The following PTPRD variants were observed in gnomAD, a reference collection of about 807,000 sequenced individuals.
PTPRD encodes the protein protein tyrosine phosphatase receptor type D, also known as receptor-type tyrosine-protein phosphatase delta.
Under a neutral mutation model 214.5 loss-of-function variants are expected in PTPRD, and 34 were observed. That is an observed-to-expected ratio of 0.16 (90% CI 0.12 to 0.21). The LOEUF (loss-of-function observed/expected upper bound fraction) is 0.21. Ranked by LOEUF, PTPRD falls within the 10% of genes least tolerant of loss-of-function variation. The probability of loss-of-function intolerance (pLI) is 1.00; values close to 1 mark genes in which losing one functional copy is unlikely to be tolerated. For missense variants in PTPRD, 2,545 were observed against 2,398.7 expected (o/e 1.06, Z -1.27); for synonymous variants, 1,128 against 845.7 (o/e 1.33, Z -5.79).
chr9:8,744,684 C>T (rs1302437998), intron 11 of PTPRD, among the ~76,000 whole-genome samples: 2 of 152,222 alleles, frequency 1.3e-5, no homozygotes, highest in Non-Finnish European at 2.9e-5. Context: ...AAAGATTACA[C>T]ATTGGGTGCA....
At chr9:8,330,953 A>G (rs567722515) in intron 44 of PTPRD, among the ~76,000 whole-genome samples, 8 of 152,232 alleles carry the variant, frequency 5.3e-5, no homozygotes, top group African/African-American at 1.9e-4. Context: ...TTGCATAGCA[A>G]CTTCCAAAAA....
chr9:9,461,921 A>G (rs2093693993), intron 8 of PTPRD, among the ~76,000 whole-genome samples: 2 of 152,162 alleles, frequency 1.3e-5, no homozygotes, highest in African/African-American at 2.4e-5. Flanking sequence ...TTTAACCATT[A>G]TATTTAAATT....
At chr9:10,083,673 T>G (rs567189449) in intron 3 of PTPRD, among the ~76,000 whole-genome samples, 8 of 152,130 alleles carry the variant, frequency 5.3e-5, no homozygotes, top group Non-Finnish European at 1.0e-4. Flanking sequence ...GTTACCAATC[T>G]TTTTGGCACC....
At chr9:10,212,496 G>C (rs2099521973) in intron 3 of PTPRD, among the ~76,000 whole-genome samples, 1 of 152,072 alleles carries the variant, frequency 6.6e-6, no homozygotes, top group African/African-American at 2.4e-5. Flanking sequence ...CATTTTCATA[G>C]TGAGTCCTTT....
At chr9:10,253,262 G>C (rs139570694) in intron 3 of PTPRD, among the ~76,000 whole-genome samples, 1 of 152,310 alleles carries the variant, frequency 6.6e-6, no homozygotes, top group African/African-American at 2.4e-5. Flanking sequence ...TTAAGGGACT[G>C]TGGGTCTTCA....
intron 6 of PTPRD, among the ~76,000 whole-genome samples, chr9:9,745,147 C>T (rs796286823): frequency 6.6e-6 from 1 of 151,926 alleles, no homozygotes; most frequent in South Asian, 2.1e-4. Context: ...GAAGAAAAAA[C>T]TCAAAATTCA....
chr9:8,940,280 C>CTTCTCTCCTTTTTTTTTTTTTTTTT (rs2099024010), intron 11 of PTPRD, among the ~76,000 whole-genome samples: 1 of 89,050 alleles, frequency 1.1e-5, no homozygotes. Context: ...TCTCTCTCTC[C>CTTCTCTCCTTTTTTTTTTTTTTTTT]TTTTTTTTTT....
In PTPRD at chr9:9,297,854, T is replaced by C. The variant is rs149540895; in HGVS notation, c.-203+99595A>G. ...CAGTGGGGACTTACACAGAGATAAC[T>C]ATGTGTCATCTACTGTTTTAATACT... On this transcript the variant is annotated intron_variant, in intron 9 of 45. Coordinates refer to ENST00000381196, the MANE Select transcript of PTPRD (RefSeq NM_002839.4). Among the ~76,000 whole-genome samples, 757 of 151,780 alleles carry C rather than the reference T, an allele frequency of 5.0e-3. 6 individuals carry two copies. The highest frequency in any genetic ancestry group is 0.017 in the African/African-American group (719 of 41,484).
intron 12 of PTPRD, among the ~76,000 whole-genome samples, chr9:8,666,788 G>T (rs1377224519): frequency 6.6e-6 from 1 of 152,074 alleles, no homozygotes; most frequent in Non-Finnish European, 1.5e-5. Context: ...GAACATAACT[G>T]CCCCCTCGAG....
At chr9:8,422,276 T>C (rs548443010) in intron 35 of PTPRD, among the ~76,000 whole-genome samples, 1 of 152,206 alleles carries the variant, frequency 6.6e-6, no homozygotes, top group South Asian at 2.1e-4. Flanking sequence ...CTGCCTTATT[T>C]CTTCCCATAA....
chr9:9,018,091 C>A (rs564634974), intron 11 of PTPRD, among the ~76,000 whole-genome samples: 1 of 151,634 alleles, frequency 6.6e-6, no homozygotes, highest in Admixed American at 6.6e-5. Flanking sequence ...TCAGTTCTTC[C>A]CTTACTCATT....
chr9:9,173,582 C>A (rs2099922797), intron 10 of PTPRD, among the ~76,000 whole-genome samples: 2 of 152,140 alleles, frequency 1.3e-5, no homozygotes, highest in African/African-American at 4.8e-5. Flanking sequence ...TCCTAGGCAA[C>A]AAACCTGTAC....
intron 10 of PTPRD, among the ~76,000 whole-genome samples, chr9:9,049,191 T>A (rs1455669911): frequency 6.6e-6 from 1 of 152,192 alleles, no homozygotes; most frequent in East Asian, 1.9e-4. Context: ...ACTGAAGAGT[T>A]AAGCCTTAAG....
At chr9:9,383,819 G>T (rs1048976905) in intron 9 of PTPRD, among the ~76,000 whole-genome samples, 10 of 152,000 alleles carry the variant, frequency 6.6e-5, no homozygotes, top group African/African-American at 2.2e-4. Context: ...AGCTCACAAT[G>T]GGGACTCAGG....
chr9:9,340,963 A>G (rs2046561188), intron 9 of PTPRD, among the ~76,000 whole-genome samples: 1 of 152,180 alleles, frequency 6.6e-6, no homozygotes, highest in Non-Finnish European at 1.5e-5. Flanking sequence ...TCTTCTAACA[A>G]TACAAGTTTC....
chr9:9,271,570 C>T (rs546190281), intron 9 of PTPRD, among the ~76,000 whole-genome samples: 19 of 151,294 alleles, frequency 1.3e-4, no homozygotes, highest in Non-Finnish European at 2.4e-4. Context: ...AAGCAAAATA[C>T]ACTAATTAAA....
At chr9:9,195,384 A>G (rs2099937941) in intron 9 of PTPRD, among the ~76,000 whole-genome samples, 1 of 152,098 alleles carries the variant, frequency 6.6e-6, no homozygotes, top group Non-Finnish European at 1.5e-5. Flanking sequence ...TTTGGGTGAT[A>G]GAAACTGTGT....
In PTPRD at chr9:10,247,029, T is replaced by C. The variant is rs574188247; in HGVS notation, c.-545+93934A>G. Among the ~76,000 whole-genome samples the C allele has an allele frequency of 2.6e-5, 4 of 152,150 alleles. No homozygotes were observed. The East Asian group carries it at 5.8e-4, about 22-fold the overall frequency. On this transcript the variant is annotated intron_variant, in intron 3 of 45. Coordinates refer to ENST00000381196, the MANE Select transcript of PTPRD (RefSeq NM_002839.4). Reference sequence around the variant, plus strand: ...AATACTCACTAACTTTGTTTAAAAATACAGAATTGCTATAGGGTCAAAGAG... The same window carrying C: ...AATACTCACTAACTTTGTTTAAAAACACAGAATTGCTATAGGGTCAAAGAG...
At chr9:8,531,745 C>G (rs1277320465) in intron 14 of PTPRD, among the ~76,000 whole-genome samples, 2 of 152,072 alleles carry the variant, frequency 1.3e-5, no homozygotes, top group Non-Finnish European at 2.9e-5. Flanking sequence ...GTTCATCTCT[C>G]GGAAGAACTG....
Sources: gnomAD v4.1 joint callset for allele counts (sites outside exome capture counted in the v4.1 genomes callset) on GRCh38, gnomAD v4.1.1 for gene constraint, MANE v1.5 for transcripts, NCBI Gene and HGNC (gene_info 2026-07-23, HGNC 2026-07-21) for gene names.